The following NTN1 variants were observed in gnomAD, a reference collection of about 807,000 sequenced individuals.
NTN1 encodes netrin 1.
NTN1 carries 11 observed loss-of-function variants against 54.2 expected under a neutral mutation model. That is an observed-to-expected ratio of 0.20 (90% confidence interval 0.13 to 0.34). The LOEUF is 0.34. Among genes scored for constraint, NTN1 ranks in the 10% least tolerant of loss-of-function variants. NTN1 has a pLI of 1.00. For missense variants in NTN1, 740 were observed against 893.1 expected (o/e 0.83, Z 2.18); for synonymous variants, 371 against 382.0 (o/e 0.97, Z 0.33).
chr17:9,142,875 G>T (rs1412464681), intron 2 of NTN1, among the ~76,000 whole-genome samples: 1 of 152,178 alleles, frequency 6.6e-6, no homozygotes, highest in East Asian at 1.9e-4. Flanking sequence ...TTGATGTAAT[G>T]AAATCAATAT....
intron 2 of NTN1, among the ~76,000 whole-genome samples, chr17:9,127,462 C>G (rs1354396127): frequency 6.6e-6 from 1 of 152,174 alleles, no homozygotes; most frequent in Non-Finnish European, 1.5e-5. Flanking sequence ...GTGATGTAGG[C>G]TGGCACGATG....
At chr17:9,155,149 C>G (rs940271108) in intron 2 of NTN1, among the ~76,000 whole-genome samples, 2 of 152,186 alleles carry the variant, frequency 1.3e-5, no homozygotes, top group African/African-American at 4.8e-5. Flanking sequence ...GTCTTGACAG[C>G]TCTGGTCACC....
chr17:9,109,143 A>G (rs537812367), intron 2 of NTN1, among the ~76,000 whole-genome samples: 2 of 152,168 alleles, frequency 1.3e-5, no homozygotes, highest in Non-Finnish European at 2.9e-5. Context: ...CCAAAGTGCA[A>G]GGATTACAGG....
chr17:9,107,225 T>C (rs1052057590), intron 2 of NTN1, among the ~76,000 whole-genome samples: 2 of 152,240 alleles, frequency 1.3e-5, no homozygotes. Context: ...TGAAACTGTT[T>C]GGAGACATTT....
At chr17:9,008,852 G>T in the NTN1 span, among the ~76,000 whole-genome samples, 1,758 of 152,186 alleles carry the variant, frequency 0.012, 19 homozygotes, top group African/African-American at 0.027. Flanking sequence ...TGTCTGACTA[G>T]GGTACAATCC....
chr17:9,026,396 G>GGT (rs1555562108), intron 2 of NTN1, among the ~76,000 whole-genome samples: 1 of 150,180 alleles, frequency 6.7e-6, no homozygotes, highest in Non-Finnish European at 1.5e-5. Flanking sequence ...TCTTCCGGGG[G>GGT]GGGGGAACAA....
At chr17:9,114,740 C>T (rs1475315291) in intron 2 of NTN1, among the ~76,000 whole-genome samples, 8 of 152,042 alleles carry the variant, frequency 5.3e-5, no homozygotes, top group East Asian at 1.9e-4. Context: ...GGCAACAGAG[C>T]GAGACTGTGT....
At chr17:9,226,422 G>T (rs984258130) in intron 6 of NTN1, among the ~76,000 whole-genome samples, 3 of 147,012 alleles carry the variant, frequency 2.0e-5, no homozygotes, top group Non-Finnish European at 3.0e-5. Context: ...GTGGGGAGGC[G>T]GTCTCGTGGG....
intron 2 of NTN1, among the ~76,000 whole-genome samples, chr17:9,131,965 GC>G (rs1306944851): frequency 6.7e-6 from 1 of 149,228 alleles, no homozygotes; most frequent in Non-Finnish European, 1.5e-5. Context: ...ACCACGCCCG[GC>G]TAATTTTTTG....
intron 3 of NTN1, among the ~76,000 whole-genome samples, chr17:9,169,172 G>C (rs2092380494): frequency 6.6e-6 from 1 of 152,234 alleles, no homozygotes; most frequent in South Asian, 2.1e-4. Flanking sequence ...CTAGACCTCA[G>C]TCTCCTCATC....
intron 2 of NTN1, among the ~76,000 whole-genome samples, chr17:9,161,299 G>C (rs1232833272): frequency 6.6e-6 from 1 of 152,216 alleles, no homozygotes; most frequent in African/African-American, 2.4e-5. Context: ...AGCATGTCCA[G>C]AGCCCCAGAG....
intron 2 of NTN1, among the ~76,000 whole-genome samples, chr17:9,140,419 T>G (rs2092294448): frequency 6.6e-6 from 1 of 152,144 alleles, no homozygotes; most frequent in African/African-American, 2.4e-5. Flanking sequence ...AAACATAAAC[T>G]TGAAATAAAA....
At chr17:9,204,282 C>T (rs1904903852) in intron 5 of NTN1, among the ~76,000 whole-genome samples, 1 of 131,384 alleles carries the variant, frequency 7.6e-6, no homozygotes, top group South Asian at 2.4e-4. Flanking sequence ...CTCTCTTTCT[C>T]TATCTCTTTC....
At chr17:9,127,220 GAACAGC>G (rs1229125048) in intron 2 of NTN1, among the ~76,000 whole-genome samples, 1 of 152,140 alleles carries the variant, frequency 6.6e-6, no homozygotes, top group Admixed American at 6.6e-5. Flanking sequence ...TAGAAGCTGG[GAACAGC>G]CAGGAGGCCT....
intron 5 of NTN1, among the ~76,000 whole-genome samples, chr17:9,210,216 T>G (rs1315524723): frequency 2.6e-5 from 4 of 151,976 alleles, no homozygotes; most frequent in Admixed American, 6.6e-5. Flanking sequence ...CACAGGCTGC[T>G]CCTCCTGCTT....
In NTN1 at chr17:9,212,490, G is replaced by A. The variant is rs996683763; in HGVS notation, c.1412-8678G>A. Among the ~76,000 whole-genome samples the A allele has an allele frequency of 3.9e-5, 6 of 152,232 alleles. No homozygotes were observed. The highest frequency in any genetic ancestry group is 7.3e-5 in the Non-Finnish European group (5 of 68,042). ...AGGCAGCACCAAACATACTTTCTGG[G>A]CAGACTGGCCTCATTTGCCTTTTGT... On this transcript the variant is annotated intron_variant, in intron 5 of 6. Transcript: ENST00000173229. This position sits in a 1 kb window ranked among gnomAD's most constrained non-coding sequence, Gnocchi z 5.5.
chr17:9,183,894 C>T (rs1258173009), intron 5 of NTN1, among the ~76,000 whole-genome samples: 2 of 152,210 alleles, frequency 1.3e-5, no homozygotes. Context: ...GAGAGCATCT[C>T]AGGCCTGCAC....
chr17:9,195,481 T>C (rs1035424025), intron 5 of NTN1, among the ~76,000 whole-genome samples: 1 of 152,140 alleles, frequency 6.6e-6, no homozygotes, highest in Non-Finnish European at 1.5e-5. Flanking sequence ...ATGGGAGTCC[T>C]TGGACCCACC....
intron 2 of NTN1, among the ~76,000 whole-genome samples, chr17:9,097,827 C>T (rs1335343557): frequency 6.6e-6 from 1 of 151,882 alleles, no homozygotes; most frequent in African/African-American, 2.4e-5. Flanking sequence ...ATGCATATAA[C>T]GTAATTTATT....
Sources: allele counts gnomAD v4.1 joint callset (sites outside exome capture counted in the v4.1 genomes callset), GRCh38; gene constraint gnomAD v4.1.1; non-coding constraint Gnocchi (gnomAD v3.1); transcripts MANE v1.5; gene names NCBI Gene and HGNC (gene_info 2026-07-23, HGNC 2026-07-21).